CACNB4: variants seen among roughly 807,000 people sequenced by gnomAD.
CACNB4 encodes the protein calcium voltage-gated channel auxiliary subunit beta 4.
In CACNB4, 32 loss-of-function variants were observed where a neutral mutation model predicts 71.2. The ratio of observed to expected loss-of-function variants is 0.45; its 90% CI spans 0.34 to 0.60. The LOEUF is 0.60. Among genes scored for constraint, CACNB4 ranks in the 20% least tolerant of loss-of-function variants. The pLI is 0.01. For missense variants in CACNB4, 464 were observed against 647.9 expected (o/e 0.72, Z 3.08); for synonymous variants, 231 against 236.9 (o/e 0.97, Z 0.23).
intron 10 of CACNB4, among the ~76,000 whole-genome samples, chr2:151,856,151 G>GT (rs59011015): frequency 0.15 from 21,614 of 140,680 alleles, 2,445 homozygotes; most frequent in East Asian, 0.47. Flanking sequence ...AAGCAATCCA[G>GT]TTTTTTTTTT....
chr2:152,093,766 G>C (rs1288760265), intron 2 of CACNB4, among the ~76,000 whole-genome samples: 1 of 152,190 alleles, frequency 6.6e-6, no homozygotes, highest in Admixed American at 6.6e-5. Flanking sequence ...GGCCACTCTG[G>C]ACCTTCCAGC....
At chr2:151,938,736 A>G (rs920515357) in intron 2 of CACNB4, among the ~76,000 whole-genome samples, 1 of 152,230 alleles carries the variant, frequency 6.6e-6, no homozygotes, top group African/African-American at 2.4e-5. Flanking sequence ...CCTACCCCCA[A>G]TACACAAAAA....
intron 10 of CACNB4, among the ~76,000 whole-genome samples, chr2:151,855,794 C>A (rs946536301): frequency 6.6e-6 from 1 of 152,170 alleles, no homozygotes; most frequent in African/African-American, 2.4e-5. Flanking sequence ...ATATTTCTAT[C>A]AACGAAGTAT....
At chr2:151,915,635 G>A (rs1380557491) in intron 2 of CACNB4, among the ~76,000 whole-genome samples, 2 of 152,122 alleles carry the variant, frequency 1.3e-5, no homozygotes, top group Non-Finnish European at 2.9e-5. Flanking sequence ...CTGAGGTCAG[G>A]AGCTCGAGAC....
rs1688419523 is a variant in CACNB4 at position 152,098,648 on chromosome 2, A to G, written c.64-235T>C. 1.9e-6 allele frequency: 3 copies of G among 1,550,634 alleles called. No individual in the cohort carries two copies. The highest frequency in any genetic ancestry group is 2.6e-6 in the Non-Finnish European group (3 of 1,146,414). On this transcript the variant is annotated intron_variant, in intron 1 of 13. Transcript: ENST00000539935. This position sits in a 1 kb window ranked among gnomAD's most constrained non-coding sequence, Gnocchi z 5.3. ...CAGCCCGCAAGCACCCACCACATCC[A>G]TTAACAAAGACTCTCAGGGTGCGGG...
intron 6 of CACNB4, 78 bp downstream of exon 6, chr2:151,872,339 C>A: frequency 1.3e-6 from 1 of 787,544 alleles, no homozygotes; most frequent in Non-Finnish European, 2.1e-6. Context: ...TCCAAATTAG[C>A]AAAACTACTT....
chr2:151,933,425 G>A (rs1388120176), intron 2 of CACNB4, among the ~76,000 whole-genome samples: 2 of 151,876 alleles, frequency 1.3e-5, no homozygotes, highest in African/African-American at 2.4e-5. Context: ...AATCAACATT[G>A]AGCTGTACAT....
At chr2:151,876,403 G>T in intron 5 of CACNB4, 23 bp downstream of exon 5, 3 of 1,584,432 alleles carry the variant, frequency 1.9e-6, no homozygotes, top group Non-Finnish European at 2.6e-6. Context: ...AAAAAAAAGT[G>T]CATAGAAAAG....
chr2:151,998,170 A>G (rs2151773953), intron 2 of CACNB4, among the ~76,000 whole-genome samples: 1 of 152,044 alleles, frequency 6.6e-6, no homozygotes, highest in Non-Finnish European at 1.5e-5. Context: ...TAAAAATACA[A>G]AAAAATTAGC....
intron 2 of CACNB4, among the ~76,000 whole-genome samples, chr2:151,950,420 C>T: frequency 6.6e-6 from 1 of 152,156 alleles, no homozygotes; most frequent in Non-Finnish European, 1.5e-5. Context: ...GGCAGTTTCA[C>T]AAAAAGTTAA....
chr2:151,861,724 T>C (rs62175660), intron 9 of CACNB4: 4,481 of 150,884 alleles, frequency 0.03, 64 homozygotes, highest in African/African-American at 0.04. Context: ...TGCCTGTAGT[T>C]CCAGCTACTT....
chr2:151,841,948 G>C lies in CACNB4; in HGVS notation c.1257C>G (p.Gly419=). Residue 419 remains glycine (G), a synonymous_variant, in exon 13 of 14, where the codon GGC becomes GGG. Coordinates refer to ENST00000539935, the MANE Select transcript of CACNB4 (RefSeq NM_000726.5). ...PMTPLLGRNL[G]STALSPYPTA... The stretch of plus-strand genomic sequence containing the variant: ...TGGGATATGGTGAGAGTGCCGTGGA[G>C]CCCAAATTCCTTCCCAGCAGCGGGG... 1 of 1,613,908 alleles carries C rather than the reference G, an allele frequency of 6.2e-7. No individual in the cohort carries two copies. Among genetic ancestry groups the C allele is most frequent in the Non-Finnish European group, 8.5e-7 (1 of 1,179,876 alleles).
At chr2:151,952,875 T>C (rs945029808) in intron 2 of CACNB4, among the ~76,000 whole-genome samples, 2 of 152,208 alleles carry the variant, frequency 1.3e-5, no homozygotes, top group African/African-American at 4.8e-5. Context: ...GGGAATCATG[T>C]GAGAAGGATG....
At chr2:152,097,435 C>T (rs1372349878) in intron 2 of CACNB4, among the ~76,000 whole-genome samples, 1 of 152,126 alleles carries the variant, frequency 6.6e-6, no homozygotes, top group African/African-American at 2.4e-5. Flanking sequence ...CAATGTCTTC[C>T]TAGGTCACCC....
intron 2 of CACNB4, among the ~76,000 whole-genome samples, chr2:151,914,805 G>C (rs181030167): frequency 1.3e-5 from 2 of 152,282 alleles, no homozygotes; most frequent in Non-Finnish European, 1.5e-5. Context: ...CCAGTGCCTG[G>C]AGATGTCACT....
intron 2 of CACNB4, among the ~76,000 whole-genome samples, chr2:151,944,510 G>A (rs1240631357): frequency 6.6e-6 from 1 of 152,158 alleles, no homozygotes; most frequent in East Asian, 1.9e-4. Flanking sequence ...TACAACTGAA[G>A]GCCGGGTGTG....
intron 2 of CACNB4, among the ~76,000 whole-genome samples, chr2:151,935,170 T>A (rs1040128267): frequency 2.0e-5 from 3 of 152,220 alleles, no homozygotes; most frequent in African/African-American, 7.2e-5. Flanking sequence ...ACTTGCATAG[T>A]ATTATACAGC....
intron 2 of CACNB4, among the ~76,000 whole-genome samples, chr2:151,946,873 A>G (rs2099865736): frequency 6.6e-6 from 1 of 152,222 alleles, no homozygotes; most frequent in Admixed American, 6.5e-5. Flanking sequence ...TCTCTTCAAT[A>G]GATCCTTATG....
intron 5 of CACNB4, among the ~76,000 whole-genome samples, chr2:151,875,662 G>T (rs1180677164): frequency 2.6e-5 from 3 of 115,270 alleles, no homozygotes; most frequent in Non-Finnish European, 5.2e-5. Flanking sequence ...GCGGCTGGCC[G>T]GGTGGGGGGC....
Sources: gnomAD v4.1 joint callset for allele counts (sites outside exome capture counted in the v4.1 genomes callset) on GRCh38, gnomAD v4.1.1 for gene constraint, Gnocchi (gnomAD v3.1) non-coding constraint, MANE v1.5 for transcripts, NCBI Gene and HGNC (gene_info 2026-07-23, HGNC 2026-07-21) for gene names.